ZNF561: variants seen among roughly 807,000 people sequenced by gnomAD.
ZNF561 encodes zinc finger protein 561.
In ZNF561, 16 loss-of-function variants were observed where a neutral mutation model predicts 16.7. The ratio of observed to expected loss-of-function variants is 0.96; its 90% CI spans 0.65 to 1.45. ZNF561 has a LOEUF of 1.45. Among genes scored for constraint, ZNF561 ranks in the 40% most tolerant of loss-of-function variants. The pLI, the probability that ZNF561 is intolerant of heterozygous loss-of-function variation, is 0.00. For missense variants in ZNF561, 580 were observed against 578.0 expected, an observed-to-expected ratio of 1.00 and a Z score of -0.04; for synonymous variants, 190 against 192.1, an observed-to-expected ratio of 0.99 and a Z score of 0.09.
In ZNF561 at chr19:9,618,139, C is replaced by T; in HGVS notation, c.66G>A (p.Lys22=). 1 of 1,551,374 alleles carries T rather than the reference C, an allele frequency of 6.4e-7. No individual in the cohort carries two copies. Among genetic ancestry groups the T allele is most frequent in the Non-Finnish European group, 8.7e-7 (1 of 1,146,730 alleles). The part of the protein sequence containing the change: ...SREPICPFEE[K]TKVERMVEDY... ...CCTCCACCATCCTTTCTACCTTTGT[C>T]TTTTCTTCAAAAGGGCAGATTGGTT... The change falls in exon 3 of 6, where the codon AAG becomes AAA. Residue 22 remains lysine, a synonymous_variant. Transcript: ENST00000302851.
intron 5 of ZNF561, 116 bp downstream of exon 5, chr19:9,613,905 C>T: frequency 7.7e-7 from 1 of 1,302,542 alleles, no homozygotes; most frequent in East Asian, 2.4e-5. Flanking sequence ...CTTCAGCCTC[C>T]CAAATAGCTG....
In ZNF561 at chr19:9,609,357, T is replaced by C. The variant is rs577382615; in HGVS notation, c.*843A>G. On this transcript the variant is annotated 3_prime_UTR_variant, in exon 6 of 6. Coordinates refer to ENST00000302851, the MANE Select transcript of ZNF561 (RefSeq NM_152289.3). ...TAGAGCTGCTGGGTCAGGGTCTCCA[T>C]GACCCAGCTGGTCTCAGCAAAAATG... 1.3e-5 allele frequency: 2 copies of C among 152,262 alleles called. No individual in the cohort carries two copies. The highest frequency in any genetic ancestry group is 2.1e-4 in the South Asian group (1 of 4,826). 9.4% of individuals were successfully genotyped at this position (152,262 alleles called of 1,614,324 possible).
In ZNF561 at chr19:9,618,154, G is replaced by T. The variant is rs769345485; in HGVS notation, c.51C>A (p.Cys17Ter). Residue 17 changes from cysteine to a stop codon, truncating the protein, a stop_gained, in exon 3 of 6, where the codon TGC (cysteine) becomes TGA (stop). Transcript: ENST00000302851. LOFTEE classifies it high-confidence loss of function. ...SRGFFSREPI[C>*]PFEEKTKVER... ...CTACCTTTGTCTTTTCTTCAAAAGG[G>T]CAGATTGGTTCCCTGGAAAAAAACC... The T allele has an allele frequency of 6.4e-7, 1 of 1,551,090 alleles. No homozygotes were observed. Among genetic ancestry groups the T allele is most frequent in the South Asian group, 1.2e-5 (1 of 84,056 alleles).
At chr19:9,611,895 C>A (rs2074465309) in intron 5 of ZNF561, among the ~76,000 whole-genome samples, 2 of 152,132 alleles carry the variant, frequency 1.3e-5, no homozygotes, top group Admixed American at 1.3e-4. Flanking sequence ...TATTTGAATG[C>A]ACCCTCATGT....
intron 4 of ZNF561, among the ~76,000 whole-genome samples, chr19:9,616,616 G>T (rs953801599): frequency 1.1e-4 from 16 of 150,414 alleles, no homozygotes; most frequent in Non-Finnish European, 1.8e-4. Context: ...TTTTGAGATG[G>T]AGTCTCAATC....
At chr19:9,618,270 T>C in intron 2 of ZNF561, 91 bp from the exon 3 acceptor site, 1 of 1,250,204 alleles carries the variant, frequency 8.0e-7, no homozygotes, top group Non-Finnish European at 1.1e-6. Context: ...TAGCTTGAAA[T>C]TCCGATATGC....
At chr19:9,620,465 A>G (rs538140216) in intron 1 of ZNF561, among the ~76,000 whole-genome samples, 14 of 152,254 alleles carry the variant, frequency 9.2e-5, no homozygotes, top group South Asian at 6.2e-4. Flanking sequence ...GGCTCAAACA[A>G]TCCTCCTGAC....
rs778634097 is a variant in ZNF561, at chr19:9,618,130, T to TAA, written c.74_75insTT (p.Glu26Ter). 12 of 1,551,246 alleles carry TAA rather than the reference T, an allele frequency of 7.7e-6. No homozygotes were observed. The highest frequency in any genetic ancestry group is 1.7e-4 in the Middle Eastern group (1 of 6,014). ...CCAGGTAGTCCTCCACCATCCTTTCTACCTTTGTCTTTTCTTCAAAAGGGC... is the reference window on the plus strand; with the variant it reads ...CCAGGTAGTCCTCCACCATCCTTTCTAAACCTTTGTCTTTTCTTCAAAAGGGC... On this transcript the variant is annotated frameshift_variant, in exon 3 of 6. Coordinates refer to ENST00000302851, the MANE Select transcript of ZNF561 (RefSeq NM_152289.3). LOFTEE classifies it high-confidence loss of function.
chr19:9,609,900 G>T lies in ZNF561; in HGVS notation c.*300C>A. ...ACACTGGCAGCCACTAACCAACAGG[G>T]GCTGGGGTCAATCTGCATGATTTAT... On this transcript the variant is annotated 3_prime_UTR_variant, in exon 6 of 6. Coordinates refer to ENST00000302851, the MANE Select transcript of ZNF561 (RefSeq NM_152289.3). 4.2e-6 allele frequency: 1 copy of T among 237,284 alleles called. No individual in the cohort carries two copies. The highest frequency in any genetic ancestry group is 8.3e-6 in the Non-Finnish European group (1 of 121,128). The allele number at this position is 237,284 out of a possible 1,614,324, so 14.7% of individuals were successfully genotyped here.
rs536493857 is a variant in ZNF561 at position 9,609,761 on chromosome 19, C to T, written c.*439G>A. Reference sequence around the variant, plus strand: ...GTTATGGATGGTTTCATTCCTGACACGCTCTGCAGGATCCGTGGGATCAGA... The same window carrying T: ...GTTATGGATGGTTTCATTCCTGACATGCTCTGCAGGATCCGTGGGATCAGA... On this transcript the variant is annotated 3_prime_UTR_variant, in exon 6 of 6. Transcript: ENST00000302851. The T allele has an allele frequency of 5.1e-5, 8 of 156,132 alleles. No homozygotes were observed. The highest frequency in any genetic ancestry group is 3.9e-4 in the South Asian group (2 of 5,064). 9.7% of individuals were successfully genotyped at this position (156,132 alleles called of 1,614,324 possible).
chr19:9,619,571 T>A lies in ZNF561; in HGVS notation c.-115A>T, dbSNP rs2144908078. 2.0e-6 allele frequency: 2 copies of A among 1,005,190 alleles called. No homozygotes were observed. Among genetic ancestry groups the A allele is most frequent in the South Asian group, 2.8e-5 (2 of 70,922 alleles). 62.3% of individuals were successfully genotyped at this position (1,005,190 alleles called of 1,614,324 possible). A position where few individuals can be genotyped will look rare whatever the true frequency, so the allele number is the denominator to read the frequency against. On this transcript the variant is annotated 5_prime_UTR_variant, in exon 2 of 6. The change abolishes the stop of an existing upstream ORF in the 5' untranslated region. Transcript: ENST00000302851. The stretch of plus-strand genomic sequence containing the variant: ...AATCTCCATTCCTCTTTGTACAGGG[T>A]TATTTGCGGTCCTGTTCATATCAAT...
rs754206306 is a variant in ZNF561 at position 9,610,157 on chromosome 19, T to A, written c.*43A>T. The A allele has an allele frequency of 6.6e-7, 1 of 1,505,294 alleles. No homozygotes were observed. The highest frequency in any genetic ancestry group is 2.3e-5 in the East Asian group (1 of 44,098). 93.2% of individuals were successfully genotyped at this position (1,505,294 alleles called of 1,614,324 possible). A position where few individuals can be genotyped will look rare whatever the true frequency, so the allele number is the denominator to read the frequency against. ...AAGGCATTTAGGACAAATCTGATAA[T>A]CTTTGGTGTCATTGCCAATAATTAA... On this transcript the variant is annotated 3_prime_UTR_variant, in exon 6 of 6. Coordinates refer to ENST00000302851, the MANE Select transcript of ZNF561 (RefSeq NM_152289.3).
At position 9,610,917 on chromosome 19, in the gene ZNF561, T is replaced by A. The variant is rs758371974; in HGVS notation, c.744A>T (p.Thr248=). Reference sequence around the variant, plus strand: ...TCTTAGTCTTTTTGGATTTCTTTCCTGTATGAACTGCTACACACTGCTTTA... The same window carrying A: ...TCTTAGTCTTTTTGGATTTCTTTCCAGTATGAACTGCTACACACTGCTTTA... ...SHLKQCVAVH[T]GKKSKKTKKC... The change falls in exon 6 of 6, where the codon ACA becomes ACT. Residue 248 remains threonine, a synonymous_variant. Coordinates refer to ENST00000302851, the MANE Select transcript of ZNF561 (RefSeq NM_152289.3). The A allele has an allele frequency of 2.5e-6, 4 of 1,614,102 alleles. No individual in the cohort carries two copies. Among genetic ancestry groups the A allele is most frequent in the African/African-American group, 2.7e-5 (2 of 74,948 alleles).
chr19:9,613,996 A>C, intron 5 of ZNF561, 25 bp downstream of exon 5: 1 of 1,607,414 alleles, frequency 6.2e-7, no homozygotes, highest in Non-Finnish European at 8.5e-7. Flanking sequence ...AGAGGAAATT[A>C]AGAAATATCC....
intron 4 of ZNF561, 110 bp from the exon 5 acceptor site, chr19:9,614,213 G>C: frequency 5.8e-6 from 8 of 1,375,356 alleles, no homozygotes; most frequent in Non-Finnish European, 8.0e-6. Context: ...ATAAAAGCCA[G>C]AGAACCTTGA....
chr19:9,620,021 C>T (rs114760666), intron 1 of ZNF561, among the ~76,000 whole-genome samples: 2,039 of 152,052 alleles, frequency 0.013, 45 homozygotes, highest in African/African-American at 0.047. Flanking sequence ...CTAGACTTCC[C>T]GGGCTCAAGT....
intron 3 of ZNF561, 43 bp from the exon 4 acceptor site, chr19:9,617,214 C>T: frequency 6.3e-7 from 1 of 1,595,532 alleles, no homozygotes; most frequent in South Asian, 1.1e-5. Context: ...ATGAACACTT[C>T]CACCAATATT....
Position 9,611,309 on chromosome 19 carries a change from A to G in ZNF561, c.352T>C (p.Cys118Arg), listed in dbSNP as rs1282438728. 4 of 1,612,814 alleles carry G rather than the reference A, an allele frequency of 2.5e-6. No individual in the cohort carries two copies. The highest frequency in any genetic ancestry group is 8.5e-7 in the Non-Finnish European group (1 of 1,178,832). ...MTRGYSGWKLCDCKNCGEVFR... is the reference protein window; with the variant it reads ...MTRGYSGWKLRDCKNCGEVFR... ...ACCTCTCCACAATTCTTACAGTCAC[A>G]GAGTTTCCATCCACTGTAGCCTCTT... Residue 118 changes from cysteine (C) to arginine (R), a missense_variant, in exon 6 of 6, where the codon TGT (cysteine) becomes CGT (arginine). Coordinates refer to ENST00000302851, the MANE Select transcript of ZNF561 (RefSeq NM_152289.3).
intron 5 of ZNF561, among the ~76,000 whole-genome samples, chr19:9,613,463 A>T (rs1210909856): frequency 1.3e-5 from 2 of 152,070 alleles, no homozygotes; most frequent in Non-Finnish European, 2.9e-5. Context: ...TCGAAGTGCT[A>T]ATCTCAAGTG....
Sources: allele counts gnomAD v4.1 joint callset (sites outside exome capture counted in the v4.1 genomes callset), GRCh38; gene constraint gnomAD v4.1.1; transcripts MANE v1.5; gene names NCBI Gene and HGNC (gene_info 2026-07-23, HGNC 2026-07-21).